Variants in BRAP observed in about 807,000 individuals in gnomAD.
The protein encoded by BRAP is BRCA1 associated protein, also known as BRCA1-associated protein.
In BRAP, 42 loss-of-function variants were observed where a neutral mutation model predicts 73.4. The observed-to-expected ratio is 0.57, with a 90% confidence interval of 0.45 to 0.74. The LOEUF (loss-of-function observed/expected upper bound fraction) is 0.74. Among genes scored for constraint, BRAP ranks in the 30% least tolerant of loss-of-function variants. The pLI is 0.00. For missense variants in BRAP, 593 were observed against 751.4 expected, an observed-to-expected ratio of 0.79 and a Z score of 2.46; for synonymous variants, 255 against 267.4, an observed-to-expected ratio of 0.95 and a Z score of 0.45.
chr12:111,679,417 C>A, intron 3 of BRAP, 77 bp from the exon 4 acceptor site: 1 of 1,038,688 alleles, frequency 9.6e-7, no homozygotes, highest in South Asian at 3.5e-5. Flanking sequence ...ACTTTTATGT[C>A]CAAGAAAACA....
At chr12:111,649,335 T>C (rs1886233868) in intron 11 of BRAP, among the ~76,000 whole-genome samples, 1 of 152,028 alleles carries the variant, frequency 6.6e-6, no homozygotes. Flanking sequence ...GTATTTTTAG[T>C]GGAGATGGGG....
In BRAP at chr12:111,681,617, A is replaced by G; in HGVS notation, c.443+20T>C. 4 of 1,554,118 alleles carry G rather than the reference A, an allele frequency of 2.6e-6. No homozygotes were observed. The highest frequency in any genetic ancestry group is 2.3e-5 in the East Asian group (1 of 44,198). ...AAAAAAAAAAATTGACTAACCCCCA[A>G]GAAAAGAGGGTTTTCTTACTTTGTC... is the stretch of plus-strand genomic sequence containing the variant. On this transcript the variant is annotated intron_variant, in intron 3 of 11. Coordinates refer to ENST00000419234, the MANE Select transcript of BRAP (RefSeq NM_006768.5).
chr12:111,684,662 AGTTTTTTTTTT>A (rs1040623153), intron 1 of BRAP, among the ~76,000 whole-genome samples: 4 of 151,034 alleles, frequency 2.6e-5, no homozygotes, highest in Non-Finnish European at 5.9e-5. Flanking sequence ...TATGAGCATA[AGTTTTTTTTTT>A]GTTTTTTTTT....
chr12:111,670,263 T>C, intron 5 of BRAP: 2 of 592,414 alleles, frequency 3.4e-6, no homozygotes, highest in South Asian at 2.8e-5. Context: ...TCCCCTCCAT[T>C]ACTGGAAGAA....
chr12:111,674,319 T>C (rs1253311734), intron 4 of BRAP, among the ~76,000 whole-genome samples: 2 of 152,156 alleles, frequency 1.3e-5, no homozygotes, highest in African/African-American at 2.4e-5. Context: ...GTCAGCTCAC[T>C]GCAACCTCTG....
intron 10 of BRAP, 143 bp from the exon 11 acceptor site, chr12:111,650,185 C>T (rs1050741748): frequency 8.6e-6 from 4 of 465,132 alleles, no homozygotes; most frequent in Admixed American, 8.2e-5. Flanking sequence ...TGGCAGTTTC[C>T]AGGCAGGGGA....
At chr12:111,678,638 C>CA (rs1312542155) in intron 4 of BRAP, among the ~76,000 whole-genome samples, 1 of 150,674 alleles carries the variant, frequency 6.6e-6, no homozygotes, top group African/African-American at 2.4e-5. Flanking sequence ...GCCTGGGCGA[C>CA]AGAGCGAGAA....
Position 111,665,598 on chromosome 12 carries a change from C to T in BRAP, c.896+41G>A, listed in dbSNP as rs1886907440. The T allele has an allele frequency of 3.1e-6, 5 of 1,604,392 alleles. No individual in the cohort carries two copies. The highest frequency in any genetic ancestry group is 4.3e-6 in the Non-Finnish European group (5 of 1,173,024). ...GCTCTTTTTAATTCTGGAAGGGTTG[C>T]AATGGGCTTGTACACAGAGGGGTTC... On this transcript the variant is annotated intron_variant, in intron 6 of 11. Coordinates refer to ENST00000419234, the MANE Select transcript of BRAP (RefSeq NM_006768.5). The surrounding 1 kb of genome is among the most constrained non-coding windows in gnomAD (Gnocchi z 4.3).
intron 2 of BRAP, among the ~76,000 whole-genome samples, chr12:111,682,340 A>C (rs1347152756): frequency 1.3e-5 from 2 of 151,872 alleles, no homozygotes; most frequent in Non-Finnish European, 2.9e-5. Flanking sequence ...TCTACCAAAA[A>C]TACAAAAATT....
chr12:111,676,837 G>A (rs750090690), intron 4 of BRAP, among the ~76,000 whole-genome samples: 21 of 152,140 alleles, frequency 1.4e-4, no homozygotes, highest in Non-Finnish European at 8.8e-5. Context: ...CACTACAGCC[G>A]ATATTAGTTT....
In BRAP at chr12:111,643,956, T is replaced by G; in HGVS notation, c.*243A>C. The G allele has an allele frequency of 1.9e-6, 1 of 525,798 alleles. No individual in the cohort carries two copies. Among genetic ancestry groups the G allele is most frequent in the South Asian group, 3.4e-5 (1 of 29,474 alleles). 32.6% of individuals were successfully genotyped at this position (525,798 alleles called of 1,614,324 possible). A position where few individuals can be genotyped will look rare whatever the true frequency, so the allele number is the denominator to read the frequency against. On this transcript the variant is annotated 3_prime_UTR_variant, in exon 12 of 12. Transcript: ENST00000419234. ...TCTACCAAGCAGGAAGGCAAAATGG[T>G]CATTAGAATGTGAGGTTAGTGAACT...
intron 5 of BRAP, among the ~76,000 whole-genome samples, chr12:111,666,002 C>T (rs949532578): frequency 6.6e-6 from 1 of 152,228 alleles, no homozygotes; most frequent in African/African-American, 2.4e-5. Flanking sequence ...GCCACTGTGC[C>T]AGGCCTTTCT....
In BRAP at chr12:111,651,225, TTAATAA is replaced by T. The variant is rs112724065; in HGVS notation, c.1312-1189_1312-1184del. Among the ~76,000 whole-genome samples the T allele has an allele frequency of 4.3e-4, 63 of 147,050 alleles. 2 individuals carry two copies. Among genetic ancestry groups the T allele is most frequent in the South Asian group, 2.8e-3 (13 of 4,726 alleles). Reference sequence around the variant, plus strand: ...TAGCAAGTCTCTAATAGCACTAGCTTTAATAATAATAATAATAATAATAATAATAAT... The same window carrying T: ...TAGCAAGTCTCTAATAGCACTAGCTTTAATAATAATAATAATAATAATAAT... On this transcript the variant is annotated intron_variant, in intron 10 of 11. Coordinates refer to ENST00000419234, the MANE Select transcript of BRAP (RefSeq NM_006768.5).
intron 11 of BRAP, 147 bp from the exon 12 acceptor site, chr12:111,644,709 T>C: frequency 7.7e-7 from 1 of 1,301,868 alleles, no homozygotes; most frequent in Non-Finnish European, 1.0e-6. Flanking sequence ...AATGGTTTTC[T>C]GCCATCGCAA....
intron 6 of BRAP, among the ~76,000 whole-genome samples, chr12:111,661,467 C>T (rs1469210609): frequency 2.0e-5 from 3 of 151,594 alleles, no homozygotes; most frequent in South Asian, 2.1e-4. Context: ...TTAGTAGAGA[C>T]GGGGTTTCTC....
chr12:111,685,387 C>A (rs1887777749), intron 1 of BRAP, among the ~76,000 whole-genome samples: 1 of 152,224 alleles, frequency 6.6e-6, no homozygotes, highest in Non-Finnish European at 1.5e-5. Flanking sequence ...TTGCTGGGGA[C>A]CCAGTCCCTG....
chr12:111,656,131 C>T lies in BRAP; in HGVS notation c.1222-476G>A, dbSNP rs548411753. ...TGTCTCCCTGACTGGACTGTGAACT[C>T]TTTGAAAGCAAGGGTTATATCTCTA... On this transcript the variant is annotated intron_variant, in intron 9 of 11. Coordinates refer to ENST00000419234, the MANE Select transcript of BRAP (RefSeq NM_006768.5). 1.4e-3 allele frequency among the ~76,000 whole-genome samples: 211 copies of T among 152,306 alleles called. 5 individuals carry two copies. Among genetic ancestry groups the T allele is most frequent in the Non-Finnish European group, 2.9e-4 (20 of 68,024 alleles).
chr12:111,644,206 C>A lies in BRAP; in HGVS notation c.1772G>T (p.Gly591Val), dbSNP rs756099908. Residue 591 changes from glycine (G) to valine (V), a missense_variant, in exon 12 of 12, where the codon GGC (glycine) becomes GTC (valine). Coordinates refer to ENST00000419234, the MANE Select transcript of BRAP (RefSeq NM_006768.5). ...LPSRKGRSKR[G>V]K ...TGTCTGTTGCTCTGAAGGTCACTTG[C>A]CCCTCTTGCTGCGGCCCTTCCTGGA... 1.2e-6 allele frequency: 2 copies of A among 1,609,728 alleles called. No homozygotes were observed. The highest frequency in any genetic ancestry group is 2.2e-5 in the East Asian group (1 of 44,870).
chr12:111,685,741 C>T lies in BRAP; in HGVS notation c.52G>A (p.Val18Ile). 1 of 1,609,748 alleles carries T rather than the reference C, an allele frequency of 6.2e-7. No individual in the cohort carries two copies. The highest frequency in any genetic ancestry group is 8.5e-7 in the Non-Finnish European group (1 of 1,178,910). The change falls in exon 1 of 12, where the codon GTC becomes ATC. Residue 18 changes from valine (V) to isoleucine (I), a missense_variant. By Grantham distance (29) the Val-to-Ile change is conservative. This residue lies in a region of BRAP where 304 missense variants were observed against 337.7 expected (regional missense o/e 0.90). Transcript: ENST00000419234. Reference protein sequence around the residue: ...IRLELAEHSPVPAGFGFSAAA... With the variant: ...IRLELAEHSPIPAGFGFSAAA... ...GCGCTGAAGCCGAAGCCGGCGGGGACAGGCGAGTGTTCCGCGAGCTCCAAT... is the reference window on the plus strand; with the variant it reads ...GCGCTGAAGCCGAAGCCGGCGGGGATAGGCGAGTGTTCCGCGAGCTCCAAT...
Sources: gnomAD v4.1 joint callset for allele counts (sites outside exome capture counted in the v4.1 genomes callset) on GRCh38, gnomAD v4.1.1 for gene constraint, gnomAD v4.1.1 regional missense constraint, Gnocchi (gnomAD v3.1) non-coding constraint, MANE v1.5 for transcripts, NCBI Gene and HGNC (gene_info 2026-07-23, HGNC 2026-07-21) for gene names.